The following KLHL29 variants were observed in gnomAD, a reference collection of about 807,000 sequenced individuals.
The protein encoded by KLHL29 is kelch-like protein 29.
Under a neutral mutation model 80.4 loss-of-function variants are expected in KLHL29, and 21 were observed. The observed-to-expected ratio is 0.26, with a 90% CI of 0.19 to 0.38. The LOEUF (loss-of-function observed/expected upper bound fraction) is 0.38, where lower values mean the gene tolerates loss of function less well. Ranked by LOEUF, KLHL29 falls within the 10% of genes least tolerant of loss-of-function variation. The pLI, the probability that KLHL29 is intolerant of heterozygous loss-of-function variation, is 1.00. For synonymous variants in KLHL29, 511 were observed against 526.8 expected, an observed-to-expected ratio of 0.97 and a Z score of 0.41; for missense variants, 867 against 1,223.9, an observed-to-expected ratio of 0.71 and a Z score of 4.35.
In KLHL29 at chr2:23,616,219, G is replaced by A. The variant is rs114590048; in HGVS notation, c.286-22920G>A. On this transcript the variant is annotated intron_variant, in intron 3 of 13. Transcript: ENST00000486442. ...AAGTCTGCCTCTCCCTCCTCAGCCTGGGGTTCTGTTCTCTTGAGCCCTACA... is the reference window on the plus strand; with the variant it reads ...AAGTCTGCCTCTCCCTCCTCAGCCTAGGGTTCTGTTCTCTTGAGCCCTACA... Among the ~76,000 whole-genome samples the A allele has an allele frequency of 3.6e-3, 551 of 152,286 alleles. 5 individuals are homozygous for A. The highest frequency in any genetic ancestry group is 0.013 in the African/African-American group (531 of 41,552).
chr2:23,442,066 G>A (rs1216887570), intron 1 of KLHL29, among the ~76,000 whole-genome samples: 1 of 152,124 alleles, frequency 6.6e-6, no homozygotes, highest in East Asian at 1.9e-4. Flanking sequence ...CTTGGGTTAT[G>A]TGGTGGGCTC....
rs1558456156 is a variant in KLHL29, at chr2:23,708,573, G to A, written c.*1909G>A. 1.3e-5 allele frequency: 2 copies of A among 152,268 alleles called. No homozygotes were observed. Among genetic ancestry groups the A allele is most frequent in the African/African-American group, 4.8e-5 (2 of 41,560 alleles). The allele number at this position is 152,268 out of a possible 1,614,324, so 9.4% of individuals were successfully genotyped here. A position where few individuals can be genotyped will look rare whatever the true frequency, so the allele number is the denominator to read the frequency against. ...AGTATATGTTTACTGTTAAGTTCTT[G>A]TTATATTATAATAAATATATTTATA... On this transcript the variant is annotated 3_prime_UTR_variant, in exon 14 of 14. Transcript: ENST00000486442.
At chr2:23,689,105 C>G (rs1274827604) in intron 6 of KLHL29, 1 of 152,354 alleles carries the variant, frequency 6.6e-6, no homozygotes, top group African/African-American at 2.4e-5. Flanking sequence ...AGCCCTCGCC[C>G]TCTGGGGCCT....
intron 5 of KLHL29, among the ~76,000 whole-genome samples, chr2:23,678,887 G>A (rs140407760): frequency 0.011 from 1,719 of 152,284 alleles, 19 homozygotes; most frequent in Middle Eastern, 0.031. Flanking sequence ...AAGTAGAATG[G>A]TGGTTGCCGG....
intron 3 of KLHL29, among the ~76,000 whole-genome samples, chr2:23,591,120 G>A (rs890292076): frequency 6.6e-5 from 10 of 152,312 alleles, no homozygotes; most frequent in Middle Eastern, 3.4e-3. Context: ...ACACTCAGGG[G>A]ACTCTGAGCA....
At chr2:23,640,489 C>G (rs922242162) in intron 4 of KLHL29, among the ~76,000 whole-genome samples, 2 of 152,108 alleles carry the variant, frequency 1.3e-5, no homozygotes, top group Non-Finnish European at 2.9e-5. Flanking sequence ...TCTGGCTAAT[C>G]CTGGAAAGAG....
At chr2:23,605,107 C>CTTTTTTTT (rs386389703) in intron 3 of KLHL29, among the ~76,000 whole-genome samples, 13 of 92,470 alleles carry the variant, frequency 1.4e-4, no homozygotes, top group Admixed American at 2.4e-4. Flanking sequence ...TCCTTTGTTG[C>CTTTTTTTT]TTTTTTTTTT....
intron 12 of KLHL29, 70 bp from the exon 13 acceptor site, chr2:23,703,649 T>G: frequency 1.4e-6 from 2 of 1,460,106 alleles, no homozygotes; most frequent in Non-Finnish European, 1.8e-6. Flanking sequence ...TGGAGGGTCT[T>G]CTGGGAAAGA....
At chr2:23,629,150 G>A (rs1669405819) in intron 3 of KLHL29, among the ~76,000 whole-genome samples, 1 of 152,208 alleles carries the variant, frequency 6.6e-6, no homozygotes, top group Admixed American at 6.5e-5. Context: ...ACTGATTGAA[G>A]GGGGATGAAA....
chr2:23,436,294 G>T (rs891473912), intron 1 of KLHL29, among the ~76,000 whole-genome samples: 7 of 145,550 alleles, frequency 4.8e-5, no homozygotes, highest in Admixed American at 2.7e-4. Context: ...GTGTGTGTGT[G>T]TGTGTGTGTG....
chr2:23,438,467 T>G (rs2103413051), intron 1 of KLHL29, among the ~76,000 whole-genome samples: 1 of 137,218 alleles, frequency 7.3e-6, no homozygotes, highest in African/African-American at 3.0e-5. Flanking sequence ...TAGCTCTTAT[T>G]ATTTTGAGAT....
At chr2:23,470,852 C>T (rs537433259) in intron 1 of KLHL29, among the ~76,000 whole-genome samples, 1 of 152,282 alleles carries the variant, frequency 6.6e-6, no homozygotes, top group African/African-American at 2.4e-5. Context: ...CATGAACTGT[C>T]GTGAACCTGA....
chr2:23,528,698 A>C (rs985671916), intron 2 of KLHL29, among the ~76,000 whole-genome samples: 12 of 152,182 alleles, frequency 7.9e-5, no homozygotes, highest in Admixed American at 5.9e-4. Flanking sequence ...ACCCTCAATC[A>C]ATGGGGACTG....
chr2:23,557,988 A>G (rs964003330), intron 2 of KLHL29, among the ~76,000 whole-genome samples: 1 of 152,140 alleles, frequency 6.6e-6, no homozygotes, highest in African/African-American at 2.4e-5. Context: ...TGGTGGCACC[A>G]TCTGGAACAT....
chr2:23,636,901 T>G (rs1422436025), intron 3 of KLHL29, among the ~76,000 whole-genome samples: 1 of 152,016 alleles, frequency 6.6e-6, no homozygotes, highest in Non-Finnish European at 1.5e-5. Context: ...AGGCAGGGGC[T>G]GCTCCAGGGC....
intron 2 of KLHL29, among the ~76,000 whole-genome samples, chr2:23,560,455 G>A (rs1055441148): frequency 6.6e-6 from 1 of 152,020 alleles, no homozygotes; most frequent in African/African-American, 2.4e-5. Context: ...GTTTTTAGTA[G>A]AGATGGGGTT....
At chr2:23,443,639 T>C (rs531469288) in intron 1 of KLHL29, among the ~76,000 whole-genome samples, 1 of 152,340 alleles carries the variant, frequency 6.6e-6, no homozygotes, top group East Asian at 1.9e-4. Context: ...AATTGAAAGT[T>C]ATATTCAAAG....
At chr2:23,404,164 T>A (rs1666669282) in intron 1 of KLHL29, among the ~76,000 whole-genome samples, 1 of 152,214 alleles carries the variant, frequency 6.6e-6, no homozygotes, top group South Asian at 2.1e-4. Context: ...TGCTGGTGAT[T>A]ACAAGCTCAT....
chr2:23,654,410 G>T (rs373072091), intron 5 of KLHL29, among the ~76,000 whole-genome samples: 2 of 152,138 alleles, frequency 1.3e-5, no homozygotes, highest in South Asian at 4.1e-4. Context: ...TAATCCATCT[G>T]CTCATGTGAA....
Sources: allele counts gnomAD v4.1 joint callset (sites outside exome capture counted in the v4.1 genomes callset), GRCh38; gene constraint gnomAD v4.1.1; transcripts MANE v1.5; gene names NCBI Gene and HGNC (gene_info 2026-07-23, HGNC 2026-07-21).